NRG1: variants seen among roughly 807,000 people sequenced by gnomAD.
NRG1 encodes pro-neuregulin-1, membrane-bound isoform.
NRG1 carries 18 observed loss-of-function variants against 63.8 expected under a neutral mutation model. The observed-to-expected ratio is 0.28, with a 90% CI of 0.19 to 0.42. The LOEUF (loss-of-function observed/expected upper bound fraction) is 0.42. Among genes scored for constraint, NRG1 ranks in the 10% least tolerant of loss-of-function variants. The pLI is 1.00. For missense variants in NRG1, 762 were observed against 814.7 expected (o/e 0.94, Z 0.79); for synonymous variants, 302 against 301.3 (o/e 1.00, Z -0.02).
chr8:32,394,899 T>G (rs1422802650), intron 1 of NRG1, among the ~76,000 whole-genome samples: 1 of 152,196 alleles, frequency 6.6e-6, no homozygotes, highest in African/African-American at 2.4e-5. Context: ...TAAGTCCTCA[T>G]GTGGCACCTT....
intron 5 of NRG1, among the ~76,000 whole-genome samples, chr8:32,706,467 C>T (rs942353918): frequency 6.6e-6 from 1 of 152,066 alleles, no homozygotes; most frequent in African/African-American, 2.4e-5. Flanking sequence ...TTGGCAGGGG[C>T]TTGCTGTCCA....
chr8:31,653,810 G>A (rs1055129878), intron 1 of NRG1, among the ~76,000 whole-genome samples: 8 of 152,150 alleles, frequency 5.3e-5, no homozygotes, highest in Admixed American at 3.9e-4. Context: ...AAATGCAGAG[G>A]GTCAGGCCAC....
intron 1 of NRG1, among the ~76,000 whole-genome samples, chr8:32,266,879 CA>C (rs60715824): frequency 0.23 from 26,240 of 112,650 alleles, 3,171 homozygotes; most frequent in African/African-American, 0.4. Flanking sequence ...ACTAAAAATA[CA>C]AAAAAAAAAA....
At chr8:32,525,183 C>T (rs988731165) in intron 1 of NRG1, among the ~76,000 whole-genome samples, 1 of 152,082 alleles carries the variant, frequency 6.6e-6, no homozygotes, top group East Asian at 1.9e-4. Flanking sequence ...GCTACAAGCC[C>T]CCATTTGAGC....
intron 1 of NRG1, among the ~76,000 whole-genome samples, chr8:32,280,018 C>A (rs1852530480): frequency 6.6e-6 from 1 of 152,212 alleles, no homozygotes; most frequent in African/African-American, 2.4e-5. Flanking sequence ...GGCTAGGAAC[C>A]AAGTCAATAT....
At chr8:31,844,830 A>T (rs1029244820) in intron 1 of NRG1, among the ~76,000 whole-genome samples, 1 of 152,164 alleles carries the variant, frequency 6.6e-6, no homozygotes, top group African/African-American at 2.4e-5. Context: ...GAATTAAAAA[A>T]AAATGAGAGT....
intron 5 of NRG1, among the ~76,000 whole-genome samples, chr8:32,690,844 T>G (rs1589226883): frequency 6.6e-6 from 1 of 152,182 alleles, no homozygotes; most frequent in African/African-American, 2.4e-5. Flanking sequence ...GATTTTATTT[T>G]ATTTTATATT....
intron 1 of NRG1, among the ~76,000 whole-genome samples, chr8:32,340,382 G>A (rs531216589): frequency 5.9e-5 from 9 of 152,188 alleles, no homozygotes; most frequent in Non-Finnish European, 7.4e-5. Flanking sequence ...ATCCTAGAGG[G>A]CAAAACAGCC....
intron 1 of NRG1, among the ~76,000 whole-genome samples, chr8:32,553,491 A>G (rs900928185): frequency 5.3e-5 from 8 of 152,192 alleles, no homozygotes; most frequent in Non-Finnish European, 4.4e-5. Flanking sequence ...ATAACTGCAT[A>G]TATACATTAT....
intron 1 of NRG1, among the ~76,000 whole-genome samples, chr8:32,552,722 T>C (rs1293209430): frequency 6.6e-6 from 1 of 152,198 alleles, no homozygotes; most frequent in Non-Finnish European, 1.5e-5. Flanking sequence ...AGGACTTATT[T>C]TGCAGAATTA....
At chr8:32,299,328 C>T (rs1441970399) in intron 1 of NRG1, among the ~76,000 whole-genome samples, 1 of 151,952 alleles carries the variant, frequency 6.6e-6, no homozygotes, top group African/African-American at 2.4e-5. Flanking sequence ...CAGGCAGTGC[C>T]GAGGACTAAA....
chr8:31,691,257 A>G (rs1809471009), intron 1 of NRG1, among the ~76,000 whole-genome samples: 1 of 152,230 alleles, frequency 6.6e-6, no homozygotes, highest in Non-Finnish European at 1.5e-5. Context: ...AAACAGAATC[A>G]ACTGTATTTA....
chr8:31,765,130 A>G (rs1260735128), intron 1 of NRG1, among the ~76,000 whole-genome samples: 1 of 152,092 alleles, frequency 6.6e-6, no homozygotes, highest in Non-Finnish European at 1.5e-5. Context: ...TGGTGTTCAC[A>G]TATATATTGC....
chr8:32,256,119 T>A (rs1232788182), intron 1 of NRG1, among the ~76,000 whole-genome samples: 1 of 152,162 alleles, frequency 6.6e-6, no homozygotes, highest in Non-Finnish European at 1.5e-5. Flanking sequence ...TAACCTTTTT[T>A]CAAGTTTCTT....
intron 1 of NRG1, among the ~76,000 whole-genome samples, chr8:31,884,900 G>T (rs915342632): frequency 1.7e-4 from 26 of 152,102 alleles, no homozygotes; most frequent in Admixed American, 6.6e-5. Flanking sequence ...AGGAAATACT[G>T]TATAAAAGAG....
At chr8:31,947,782 A>G (rs1223724461) in intron 1 of NRG1, among the ~76,000 whole-genome samples, 1 of 151,834 alleles carries the variant, frequency 6.6e-6, no homozygotes, top group Non-Finnish European at 1.5e-5. Flanking sequence ...CGTCTCTAGT[A>G]AAAATACAAA....
At chr8:31,981,842 T>C (rs1307803155) in intron 1 of NRG1, among the ~76,000 whole-genome samples, 1 of 151,870 alleles carries the variant, frequency 6.6e-6, no homozygotes, top group African/African-American at 2.4e-5. Context: ...AAAAGGAATA[T>C]GGTGATAATA....
chr8:32,535,832 T>A (rs1038520568), intron 1 of NRG1, among the ~76,000 whole-genome samples: 1 of 152,166 alleles, frequency 6.6e-6, no homozygotes, highest in Non-Finnish European at 1.5e-5. Flanking sequence ...GCCTTGCCCA[T>A]TGACCAGCTC....
chr8:32,110,726 C>T (rs1018354693), intron 1 of NRG1, among the ~76,000 whole-genome samples: 1 of 152,170 alleles, frequency 6.6e-6, no homozygotes, highest in Non-Finnish European at 1.5e-5. Context: ...GGGAACTGAA[C>T]CAAAGACTGG....
Sources: allele counts gnomAD v4.1 joint callset (sites outside exome capture counted in the v4.1 genomes callset), GRCh38; gene constraint gnomAD v4.1.1; transcripts MANE v1.5; gene names NCBI Gene and HGNC (gene_info 2026-07-23, HGNC 2026-07-21).